KCND2: variants seen among roughly 807,000 people sequenced by gnomAD.
KCND2 encodes A-type voltage-gated potassium channel KCND2.
Under a neutral mutation model 54.4 loss-of-function variants are expected in KCND2, and 16 were observed. The observed-to-expected ratio is 0.29, with a 90% confidence interval of 0.20 to 0.45. The LOEUF (loss-of-function observed/expected upper bound fraction) is 0.45, where lower values mean the gene tolerates loss of function less well. KCND2 is among the 20% of genes least tolerant of loss of function. KCND2 has a pLI of 1.00. For synonymous variants in KCND2, 317 were observed against 310.7 expected, an observed-to-expected ratio of 1.02 and a Z score of -0.21; for missense variants, 486 against 824.2, an observed-to-expected ratio of 0.59 and a Z score of 5.02.
intron 1 of KCND2, among the ~76,000 whole-genome samples, chr7:120,662,862 C>G (rs933666236): frequency 2.0e-5 from 3 of 152,172 alleles, no homozygotes. Context: ...TGCTTTTGAA[C>G]TCACTAAATG....
chr7:120,617,686 C>G (rs1027686089), intron 1 of KCND2, among the ~76,000 whole-genome samples: 1 of 152,182 alleles, frequency 6.6e-6, no homozygotes, highest in Non-Finnish European at 1.5e-5. Flanking sequence ...CAAAATGACA[C>G]ATGCACCCAT....
intron 1 of KCND2, among the ~76,000 whole-genome samples, chr7:120,359,117 G>C (rs1388375109): frequency 6.6e-6 from 1 of 152,126 alleles, no homozygotes; most frequent in Admixed American, 6.6e-5. Flanking sequence ...TTACAAACTG[G>C]AATAAGTCAG....
At chr7:120,282,614 A>G (rs573996143) in intron 1 of KCND2, among the ~76,000 whole-genome samples, 2 of 152,310 alleles carry the variant, frequency 1.3e-5, no homozygotes, top group South Asian at 2.1e-4. Flanking sequence ...AATAACATTG[A>G]AAGAGTAGGA....
chr7:120,290,775 A>C (rs926303820), intron 1 of KCND2, among the ~76,000 whole-genome samples: 3 of 152,010 alleles, frequency 2.0e-5, no homozygotes, highest in African/African-American at 7.2e-5. Context: ...AACTTTATTA[A>C]AATTTGGATG....
chr7:120,524,755 A>G (rs541780610), intron 1 of KCND2, among the ~76,000 whole-genome samples: 4 of 152,324 alleles, frequency 2.6e-5, no homozygotes, highest in Admixed American at 1.3e-4. Flanking sequence ...TGCACATTCT[A>G]TGAAGCTTAA....
rs191515912 is a variant in KCND2, at chr7:120,744,996, T to C, written c.1468-784T>C. Among the ~76,000 whole-genome samples the C allele has an allele frequency of 2.8e-3, 433 of 152,230 alleles. 6 individuals carry two copies. Among genetic ancestry groups the C allele is most frequent in the African/African-American group, 9.9e-3 (410 of 41,530 alleles). On this transcript the variant is annotated intron_variant, in intron 4 of 5. Transcript: ENST00000331113. Reference sequence around the variant, plus strand: ...TTTCTATAAAATACGATATGCGAAATGATGCCTATTGCTATTTGCTACTGG... The same window carrying C: ...TTTCTATAAAATACGATATGCGAAACGATGCCTATTGCTATTTGCTACTGG...
chr7:120,609,126 T>C (rs981081540), intron 1 of KCND2, among the ~76,000 whole-genome samples: 3 of 152,090 alleles, frequency 2.0e-5, no homozygotes, highest in Non-Finnish European at 4.4e-5. Flanking sequence ...ATTTTTTTTT[T>C]CTGTACAGTT....
chr7:120,536,537 C>G (rs915464721), intron 1 of KCND2, among the ~76,000 whole-genome samples: 3 of 152,162 alleles, frequency 2.0e-5, no homozygotes, highest in African/African-American at 7.2e-5. Context: ...TTCTCATACC[C>G]TGCATTGCTT....
chr7:120,286,355 G>C (rs1412753141), intron 1 of KCND2, among the ~76,000 whole-genome samples: 1 of 151,860 alleles, frequency 6.6e-6, no homozygotes, highest in Non-Finnish European at 1.5e-5. Context: ...TGGATATATA[G>C]CTATATGACC....
intron 1 of KCND2, among the ~76,000 whole-genome samples, chr7:120,444,221 C>G (rs1801987267): frequency 6.6e-6 from 1 of 152,090 alleles, no homozygotes; most frequent in East Asian, 1.9e-4. Context: ...CTTCCTTGCT[C>G]ATAGTGAGTT....
intron 1 of KCND2, among the ~76,000 whole-genome samples, chr7:120,316,142 C>T (rs1434897547): frequency 1.3e-5 from 2 of 152,114 alleles, no homozygotes; most frequent in Non-Finnish European, 2.9e-5. Flanking sequence ...GTTTATCTTC[C>T]ATTTTAGAAA....
chr7:120,337,178 G>A (rs1800163788), intron 1 of KCND2, among the ~76,000 whole-genome samples: 1 of 151,974 alleles, frequency 6.6e-6, no homozygotes. Flanking sequence ...TGAAACAAGA[G>A]GAACTGGATA....
chr7:120,693,314 T>C (rs1462059925), intron 1 of KCND2, among the ~76,000 whole-genome samples: 1 of 152,206 alleles, frequency 6.6e-6, no homozygotes, highest in Admixed American at 6.5e-5. Flanking sequence ...CGCTTCGTAC[T>C]TAACAGGTAT....
At chr7:120,649,739 T>C (rs1303377687) in intron 1 of KCND2, among the ~76,000 whole-genome samples, 2 of 152,222 alleles carry the variant, frequency 1.3e-5, no homozygotes, top group East Asian at 3.9e-4. Flanking sequence ...GGCATGTTTT[T>C]ACAGTGGCTG....
At chr7:120,543,698 T>C (rs1792010476) in intron 1 of KCND2, among the ~76,000 whole-genome samples, 1 of 152,066 alleles carries the variant, frequency 6.6e-6, no homozygotes, top group African/African-American at 2.4e-5. Context: ...TGTGCTTTAT[T>C]TGAAACCCCT....
chr7:120,527,764 C>T (rs1387137012), intron 1 of KCND2, among the ~76,000 whole-genome samples: 3 of 151,914 alleles, frequency 2.0e-5, no homozygotes, highest in Admixed American at 6.6e-5. Flanking sequence ...TCTTTCTTTA[C>T]TGCCTCCTCA....
At chr7:120,318,220 A>T (rs1799841921) in intron 1 of KCND2, among the ~76,000 whole-genome samples, 2 of 152,148 alleles carry the variant, frequency 1.3e-5, no homozygotes, top group Admixed American at 1.3e-4. Flanking sequence ...TATTGAGTGG[A>T]CCTAAGAGTC....
chr7:120,278,236 T>A (rs1029945902), intron 1 of KCND2, among the ~76,000 whole-genome samples: 3 of 151,962 alleles, frequency 2.0e-5, no homozygotes, highest in Non-Finnish European at 4.4e-5. Flanking sequence ...GTGCCATCTT[T>A]GTGACTCAGT....
chr7:120,558,696 T>C (rs1346116521), intron 1 of KCND2, among the ~76,000 whole-genome samples: 1 of 152,122 alleles, frequency 6.6e-6, no homozygotes, highest in Non-Finnish European at 1.5e-5. Context: ...GCTTTTCAAG[T>C]GGTGAGCTGA....
Sources: gnomAD v4.1 joint callset for allele counts (sites outside exome capture counted in the v4.1 genomes callset) on GRCh38, gnomAD v4.1.1 for gene constraint, MANE v1.5 for transcripts, NCBI Gene and HGNC (gene_info 2026-07-23, HGNC 2026-07-21) for gene names.